CCNE1: variants seen among roughly 807,000 people sequenced by gnomAD.
CCNE1 encodes cyclin E1.
A neutral mutation model predicts 54.1 loss-of-function variants in CCNE1; 8 were observed. That is an observed-to-expected ratio of 0.15 (90% CI 0.09 to 0.27). The LOEUF (loss-of-function observed/expected upper bound fraction) is 0.27, where lower values mean the gene tolerates loss of function less well. CCNE1 is among the 10% of genes least tolerant of loss of function. The pLI is 1.00. For missense variants in CCNE1, 430 were observed against 514.9 expected (o/e 0.84, Z 1.60); for synonymous variants, 179 against 185.2 (o/e 0.97, Z 0.27).
At chr19:29,821,928 T>C (rs779304117) in intron 8 of CCNE1, 68 bp from the exon 9 acceptor site, 8 of 1,553,208 alleles carry the variant, frequency 5.2e-6, no homozygotes, top group African/African-American at 1.4e-5. Flanking sequence ...CATTGTGGCA[T>C]GGAACATGGC....
intron 4 of CCNE1, among the ~76,000 whole-genome samples, chr19:29,816,275 ACTT>A (rs1385571040): frequency 6.6e-6 from 1 of 152,212 alleles, no homozygotes; most frequent in Non-Finnish European, 1.5e-5. Flanking sequence ...AATCAAACAG[ACTT>A]CTTAGAGTAG....
chr19:29,812,771 A>G lies in CCNE1; in HGVS notation c.106A>G (p.Thr36Ala), dbSNP rs1355673586. Residue 36 changes from threonine (T) to alanine (A), a missense_variant, in exon 3 of 12, where the codon ACC becomes GCC. Around this residue, in one of 2 missense-constraint regions of CCNE1, gnomAD observed 127 missense variants for 113.8 expected, o/e 1.12. Transcript: ENST00000262643. ...ARSRKRKANVTVFLQDPDEEM... is the reference protein window; with the variant it reads ...ARSRKRKANVAVFLQDPDEEM... ...CTCCAGGAAGAGGAAGGCAAACGTGACCGTTGTGAGTACAAAAGAGACAGG... is the reference window on the plus strand; with the variant it reads ...CTCCAGGAAGAGGAAGGCAAACGTGGCCGTTGTGAGTACAAAAGAGACAGG... 1.3e-6 allele frequency: 2 copies of G among 1,590,434 alleles called. No individual in the cohort carries two copies. Among genetic ancestry groups the G allele is most frequent in the Non-Finnish European group, 1.7e-6 (2 of 1,170,558 alleles).
rs1208466533 is a variant in CCNE1, at chr19:29,822,269, C to T, written c.870C>T (p.Asp290=). The change falls in exon 10 of 12, where the codon GAC becomes GAT. Residue 290 remains aspartate, a synonymous_variant. Coordinates refer to ENST00000262643, the MANE Select transcript of CCNE1 (RefSeq NM_001238.4). ...TGGATCTCTGTGTCCTGGATGTTGA[C>T]TGCCTTGAATTTCCTTATGGTATAC... ...ELLDLCVLDV[D]CLEFPYGILA... 5.6e-6 allele frequency: 9 copies of T among 1,614,038 alleles called. No homozygotes were observed. The highest frequency in any genetic ancestry group is 7.6e-6 in the Non-Finnish European group (9 of 1,179,946).
At chr19:29,813,460 GCAACAACTT>G in intron 4 of CCNE1, 1 of 161,868 alleles carries the variant, frequency 6.2e-6, no homozygotes, top group Non-Finnish European at 1.3e-5. Context: ...GTGTTTATAA[GCAACAACTT>G]TCCCCCTATC....
chr19:29,821,116 G>A (rs563275553), intron 7 of CCNE1, among the ~76,000 whole-genome samples: 226 of 152,116 alleles, frequency 1.5e-3, no homozygotes, highest in African/African-American at 5.1e-3. Context: ...TAATAATTTT[G>A]GGCCCGGGTT....
chr19:29,820,378 C>A (rs1974120095), intron 6 of CCNE1, among the ~76,000 whole-genome samples: 1 of 152,070 alleles, frequency 6.6e-6, no homozygotes, highest in Non-Finnish European at 1.5e-5. Context: ...TGGTGAAATA[C>A]CATTTCTACT....
intron 4 of CCNE1, among the ~76,000 whole-genome samples, chr19:29,816,774 C>T (rs1247119552): frequency 6.6e-6 from 1 of 152,006 alleles, no homozygotes; most frequent in African/African-American, 2.4e-5. Flanking sequence ...CATATGTATA[C>T]ATGTGCCATG....
chr19:29,812,015 C>G lies in CCNE1; in HGVS notation c.-162C>G, dbSNP rs1428922799. 1.4e-5 allele frequency: 2 copies of G among 147,380 alleles called. No homozygotes were observed. Among genetic ancestry groups the G allele is most frequent in the Non-Finnish European group, 3.0e-5 (2 of 65,966 alleles). 9.1% of individuals were successfully genotyped at this position (147,380 alleles called of 1,614,324 possible). A position where few individuals can be genotyped will look rare whatever the true frequency, so the allele number is the denominator to read the frequency against. On this transcript the variant is annotated 5_prime_UTR_variant, in exon 1 of 12. Coordinates refer to ENST00000262643, the MANE Select transcript of CCNE1 (RefSeq NM_001238.4). ...CAGGAGCAGCCGGCGCGGCCGCCAG[C>G]GCGGTGTAGGGGGCAGGCGCGGATC... is the stretch of plus-strand genomic sequence containing the variant.
intron 4 of CCNE1, 107 bp from the exon 5 acceptor site, chr19:29,817,030 T>C: frequency 8.7e-7 from 1 of 1,148,472 alleles, no homozygotes; most frequent in South Asian, 1.6e-5. Flanking sequence ...CTTTCAGAAG[T>C]CATGCCTAGT....
chr19:29,817,301 ACATG>A lies in CCNE1; in HGVS notation c.326+20_326+23del. ...TACTGAGGTCAGTGCCGACTCTGCCACATGGCTTCCAGGTCTCTTACTCCATGCT... is the reference window on the plus strand; with the variant it reads ...TACTGAGGTCAGTGCCGACTCTGCCAGCTTCCAGGTCTCTTACTCCATGCT... On this transcript the variant is annotated intron_variant, in intron 5 of 11. Coordinates refer to ENST00000262643, the MANE Select transcript of CCNE1 (RefSeq NM_001238.4). 6.2e-7 allele frequency: 1 copy of A among 1,614,158 alleles called. No homozygotes were observed. The highest frequency in any genetic ancestry group is 8.5e-7 in the Non-Finnish European group (1 of 1,180,008).
At chr19:29,821,860 G>A (rs776000677) in intron 8 of CCNE1, 43 bp downstream of exon 8, 22 of 1,523,842 alleles carry the variant, frequency 1.4e-5, no homozygotes, top group Middle Eastern at 1.7e-4. Context: ...AAATGCGTAC[G>A]GCAGATCTTT....
Position 29,822,351 on chromosome 19 carries a change from G to C in CCNE1, c.952G>C (p.Gly318Arg), listed in dbSNP as rs778173124. 1 of 1,613,990 alleles carries C rather than the reference G, an allele frequency of 6.2e-7. No homozygotes were observed. The highest frequency in any genetic ancestry group is 1.1e-5 in the South Asian group (1 of 91,078). The change falls in exon 10 of 12, where the codon GGG (glycine) becomes CGG (arginine). Residue 318 changes from glycine (G) to arginine (R), a missense_variant and splice_region_variant. Coordinates refer to ENST00000262643, the MANE Select transcript of CCNE1 (RefSeq NM_001238.4). ...SSSELMQKVS[G>R]YQWCDIENCV... ...ATCTGAATTGATGCAAAAGGTTTCAGGTAAGTTGGCTTTCCAGTGCATGCA... is the reference window on the plus strand; with the variant it reads ...ATCTGAATTGATGCAAAAGGTTTCACGTAAGTTGGCTTTCCAGTGCATGCA...
chr19:29,821,729 ATCC>A lies in CCNE1; in HGVS notation c.621_623del (p.Pro208del). 6.2e-7 allele frequency: 1 copy of A among 1,602,890 alleles called. No homozygotes were observed. Among genetic ancestry groups the A allele is most frequent in the Non-Finnish European group, 8.5e-7 (1 of 1,169,986 alleles). On this transcript the variant is annotated inframe_deletion, in exon 8 of 12. Transcript: ENST00000262643. ...TCTTTTATTTCCTTTCAGGAAATCT[ATCC>A]TCCAAAGTTGCACCAGTTTGCGTAT...
intron 1 of CCNE1, 110 bp from the exon 2 acceptor site, chr19:29,812,422 C>A: frequency 1.4e-6 from 1 of 703,886 alleles, no homozygotes; most frequent in South Asian, 7.0e-5. Flanking sequence ...ACAGGCCACC[C>A]CGCCATCGGC....
chr19:29,815,519 T>G (rs1235029708), intron 4 of CCNE1, among the ~76,000 whole-genome samples: 1 of 152,168 alleles, frequency 6.6e-6, no homozygotes, highest in African/African-American at 2.4e-5. Context: ...GTCGCCACCA[T>G]GTGCTGTGTC....
chr19:29,823,899 A>G lies in CCNE1; in HGVS notation c.*122A>G. ...TGAATGGAAGAGTGTTTCTTCCACA[A>G]CAGAAGTATTTCTGTGGATGGCATC... On this transcript the variant is annotated 3_prime_UTR_variant, in exon 12 of 12. Transcript: ENST00000262643. 1.0e-5 allele frequency: 11 copies of G among 1,089,228 alleles called. No homozygotes were observed. The highest frequency in any genetic ancestry group is 1.4e-5 in the Non-Finnish European group (11 of 782,814). 67.5% of individuals were successfully genotyped at this position (1,089,228 alleles called of 1,614,324 possible).
chr19:29,817,616 T>C (rs1286981665), intron 6 of CCNE1, 75 bp downstream of exon 6: 31 of 1,495,254 alleles, frequency 2.1e-5, no homozygotes, highest in Non-Finnish European at 2.7e-5. Context: ...AGGACCTCTG[T>C]GTGGTTTATT....
Position 29,822,571 on chromosome 19 carries a change from A to G in CCNE1, c.1078A>G (p.Ile360Val), listed in dbSNP as rs748789990. Residue 360 changes from isoleucine to valine, a missense_variant, in exon 11 of 12, where the codon ATA becomes GTA. Physicochemically the swap from Ile to Val is conservative, Grantham distance 29. Around this residue, in one of 2 missense-constraint regions of CCNE1, gnomAD observed 303 missense variants for 401.1 expected, o/e 0.76. Transcript: ENST00000262643. ...RGVADEDAHN[I>V]QTHRDSLDLL... ...CGTCGCTGATGAAGATGCACACAAC[A>G]TACAGACCCACAGAGACAGCTTGGA... The G allele has an allele frequency of 2.5e-6, 4 of 1,613,854 alleles. No individual in the cohort carries two copies. The highest frequency in any genetic ancestry group is 3.4e-6 in the Non-Finnish European group (4 of 1,179,922).
chr19:29,818,749 G>T (rs986999759), intron 6 of CCNE1, among the ~76,000 whole-genome samples: 1 of 150,668 alleles, frequency 6.6e-6, no homozygotes, highest in African/African-American at 2.4e-5. Context: ...GGGCAACATA[G>T]CGAGACCCCA....
Sources: allele counts gnomAD v4.1 joint callset (sites outside exome capture counted in the v4.1 genomes callset), GRCh38; gene constraint gnomAD v4.1.1; regional missense constraint gnomAD v4.1.1; transcripts MANE v1.5; gene names NCBI Gene and HGNC (gene_info 2026-07-23, HGNC 2026-07-21).